The following OXR1 variants were observed in gnomAD, a reference collection of about 807,000 sequenced individuals.
OXR1 encodes oxidation resistance protein 1.
A neutral mutation model predicts 104.6 loss-of-function variants in OXR1; 41 were observed. The ratio of observed to expected loss-of-function variants is 0.39; its 90% CI spans 0.31 to 0.51. The LOEUF is 0.51. Among genes scored for constraint, OXR1 ranks in the 20% least tolerant of loss-of-function variants. The probability of loss-of-function intolerance (pLI) is 0.77; values close to 1 mark genes in which losing one functional copy is unlikely to be tolerated. For synonymous variants in OXR1, 348 were observed against 348.4 expected (o/e 1.00, Z 0.01); for missense variants, 955 against 1,031.9 (o/e 0.93, Z 1.02).
intron 1 of OXR1, among the ~76,000 whole-genome samples, chr8:106,322,100 T>G (rs775890611): frequency 1.3e-5 from 2 of 152,198 alleles, no homozygotes; most frequent in Non-Finnish European, 2.9e-5. Context: ...GCTTTTGTTT[T>G]GCGTATTGAG....
At chr8:106,357,297 A>G (rs1387307503) in intron 1 of OXR1, among the ~76,000 whole-genome samples, 1 of 152,054 alleles carries the variant, frequency 6.6e-6, no homozygotes, top group Non-Finnish European at 1.5e-5. Flanking sequence ...TTTGAAGTTA[A>G]CTGTTGTGGT....
At chr8:106,338,433 C>G (rs574974559) in intron 1 of OXR1, among the ~76,000 whole-genome samples, 59 of 151,860 alleles carry the variant, frequency 3.9e-4, no homozygotes, top group African/African-American at 1.3e-3. Context: ...TGTGGTGGCC[C>G]ACACCTGTAA....
intron 1 of OXR1, among the ~76,000 whole-genome samples, chr8:106,328,150 T>C (rs1401347306): frequency 2.0e-5 from 3 of 152,208 alleles, no homozygotes; most frequent in African/African-American, 7.2e-5. Context: ...GTCTCAGGCT[T>C]ATGCGGCTCA....
chr8:106,361,098 G>A (rs991664793), intron 2 of OXR1, among the ~76,000 whole-genome samples: 4 of 152,156 alleles, frequency 2.6e-5, no homozygotes, highest in Non-Finnish European at 5.9e-5. Flanking sequence ...AGTGAACTCC[G>A]CAAAGAGAGA....
chr8:106,429,659 CA>C (rs55954304), intron 2 of OXR1, among the ~76,000 whole-genome samples: 23,322 of 93,940 alleles, frequency 0.25, 2,632 homozygotes, highest in African/African-American at 0.41. Context: ...GACTCTGTCT[CA>C]AAAAAAAAAA....
At chr8:106,671,279 G>T (rs1269859558) in intron 3 of OXR1, among the ~76,000 whole-genome samples, 3 of 151,680 alleles carry the variant, frequency 2.0e-5, no homozygotes, top group Non-Finnish European at 4.4e-5. Context: ...AATGTTAAAA[G>T]AAAGTACCTG....
chr8:106,646,541 A>C (rs1824098537), intron 3 of OXR1, among the ~76,000 whole-genome samples: 2 of 152,230 alleles, frequency 1.3e-5, no homozygotes, highest in African/African-American at 4.8e-5. Flanking sequence ...GTTTTCACTT[A>C]TCAGCTTTTC....
intron 1 of OXR1, among the ~76,000 whole-genome samples, chr8:106,275,071 A>G (rs950528109): frequency 1.3e-5 from 2 of 152,256 alleles, no homozygotes; most frequent in Admixed American, 6.5e-5. Context: ...TAAGATGGGC[A>G]TTCATTTTCA....
chr8:106,390,866 T>A (rs143060209), intron 2 of OXR1, among the ~76,000 whole-genome samples: 235 of 152,308 alleles, frequency 1.5e-3, no homozygotes, highest in African/African-American at 5.5e-3. Context: ...CTTAAGTGAA[T>A]GATTCACTGG....
intron 3 of OXR1, among the ~76,000 whole-genome samples, chr8:106,593,277 G>A (rs776230550): frequency 2.6e-5 from 4 of 152,032 alleles, no homozygotes; most frequent in Non-Finnish European, 4.4e-5. Context: ...CCGACCCGCC[G>A]GAACTCTGCT....
At chr8:106,480,780 A>G (rs988964228) in intron 2 of OXR1, among the ~76,000 whole-genome samples, 2 of 151,986 alleles carry the variant, frequency 1.3e-5, no homozygotes, top group African/African-American at 4.8e-5. Flanking sequence ...TCATAGAAAT[A>G]AAAAATACCT....
Position 106,329,599 on chromosome 8 carries a change from G to A in OXR1, c.-138-29877G>A, listed in dbSNP as rs909364634. On this transcript the variant is annotated intron_variant, in intron 1 of 16. Transcript: ENST00000517566. ...CCTGACCTAGTGATCCGCCTGCCTC[G>A]GCCTCCCAAAGTGCTGGGATCACAG... is the stretch of plus-strand genomic sequence containing the variant. Among the ~76,000 whole-genome samples the A allele has an allele frequency of 8.5e-5, 13 of 152,086 alleles. 1 individual carries two copies. The highest frequency in any genetic ancestry group is 8.5e-4 in the Admixed American group (13 of 15,256).
At chr8:106,744,633 G>C (rs996295005) in intron 15 of OXR1, among the ~76,000 whole-genome samples, 3 of 152,136 alleles carry the variant, frequency 2.0e-5, no homozygotes, top group Non-Finnish European at 4.4e-5. Context: ...TGGCTTTACT[G>C]TGGCTTGACT....
At chr8:106,707,485 G>A in intron 9 of OXR1, 2 of 442,792 alleles carry the variant, frequency 4.5e-6, no homozygotes, top group Non-Finnish European at 7.8e-6. Context: ...AAAAGTTTTT[G>A]GTGTGTTACC....
chr8:106,456,590 G>A (rs907949388), intron 2 of OXR1, among the ~76,000 whole-genome samples: 2 of 152,158 alleles, frequency 1.3e-5, no homozygotes, highest in Admixed American at 6.5e-5. Context: ...ATCTTGATGA[G>A]CAACTATTGT....
intron 3 of OXR1, chr8:106,658,295 G>A: frequency 1.7e-6 from 2 of 1,190,444 alleles, no homozygotes; most frequent in African/African-American, 1.6e-5. Context: ...TGGCAGGTGT[G>A]CCTGGGCCGG....
intron 16 of OXR1, among the ~76,000 whole-genome samples, chr8:106,750,319 C>CTTTCTTT (rs1563773398): frequency 2.9e-5 from 2 of 68,260 alleles, no homozygotes. Flanking sequence ...CTTTTCTTTT[C>CTTTCTTT]TTTTCTTTTT....
intron 1 of OXR1, among the ~76,000 whole-genome samples, chr8:106,299,225 C>A (rs150852158): frequency 6.6e-6 from 1 of 151,884 alleles, no homozygotes; most frequent in Admixed American, 6.6e-5. Context: ...TACTACCTAT[C>A]TTTTAACAGA....
chr8:106,608,060 T>C (rs892252281), intron 3 of OXR1, among the ~76,000 whole-genome samples: 8 of 152,198 alleles, frequency 5.3e-5, no homozygotes, highest in African/African-American at 1.9e-4. Flanking sequence ...GGCAGGAGTA[T>C]AGCTTGAGGC....
Sources: allele counts gnomAD v4.1 joint callset (sites outside exome capture counted in the v4.1 genomes callset), GRCh38; gene constraint gnomAD v4.1.1; transcripts MANE v1.5; gene names NCBI Gene and HGNC (gene_info 2026-07-23, HGNC 2026-07-21).